SDK1: variants seen among roughly 807,000 people sequenced by gnomAD.
The protein encoded by SDK1 is sidekick cell adhesion molecule 1.
Under a neutral mutation model 245.5 loss-of-function variants are expected in SDK1, and 157 were observed. The ratio of observed to expected loss-of-function variants is 0.64; its 90% CI spans 0.56 to 0.73. The LOEUF (loss-of-function observed/expected upper bound fraction) is 0.73. Ranked by LOEUF, SDK1 falls within the 30% of genes least tolerant of loss-of-function variation. The pLI is 0.00. For synonymous variants in SDK1, 1,647 were observed against 1,278.5 expected (o/e 1.29, Z -6.15); for missense variants, 3,583 against 3,002.3 (o/e 1.19, Z -4.52).
chr7:4,209,963 A>G (rs1584452646), intron 37 of SDK1, 62 bp from the exon 38 acceptor site: 1 of 1,352,980 alleles, frequency 7.4e-7, no homozygotes, highest in East Asian at 2.6e-5. Flanking sequence ...AGGCACAGAC[A>G]TGTATGTATA....
chr7:3,881,461 C>T (rs1250727499), intron 5 of SDK1, among the ~76,000 whole-genome samples: 1 of 152,198 alleles, frequency 6.6e-6, no homozygotes, highest in Non-Finnish European at 1.5e-5. Flanking sequence ...GCATGGTATT[C>T]CATGGTGTAT....
At chr7:3,437,480 A>T (rs1168534030) in intron 1 of SDK1, among the ~76,000 whole-genome samples, 1 of 152,190 alleles carries the variant, frequency 6.6e-6, no homozygotes, top group East Asian at 1.9e-4. Context: ...AGTCAAAATT[A>T]CGTGTGATCG....
chr7:4,255,297 G>T (rs1164434140), intron 44 of SDK1, among the ~76,000 whole-genome samples: 1 of 152,296 alleles, frequency 6.6e-6, no homozygotes, highest in East Asian at 1.9e-4. Context: ...ATTTTCCTCA[G>T]TCAGAGCTGG....
intron 1 of SDK1, among the ~76,000 whole-genome samples, chr7:3,501,991 G>C (rs970790849): frequency 1.3e-5 from 2 of 152,054 alleles, no homozygotes; most frequent in African/African-American, 4.8e-5. Flanking sequence ...TTAACAGCTG[G>C]ATTTCTAGTG....
chr7:3,641,291 A>C (rs761048777), intron 3 of SDK1, among the ~76,000 whole-genome samples: 17 of 152,202 alleles, frequency 1.1e-4, no homozygotes, highest in Non-Finnish European at 2.4e-4. Context: ...TTCAAATGTT[A>C]CAAATTTTAA....
intron 1 of SDK1, among the ~76,000 whole-genome samples, chr7:3,535,826 C>A (rs991291350): frequency 2.0e-5 from 3 of 152,090 alleles, no homozygotes; most frequent in African/African-American, 7.2e-5. Flanking sequence ...TAAGTTCTTG[C>A]AGATATTCTC....
chr7:3,910,676 C>T (rs1779133021), intron 5 of SDK1, among the ~76,000 whole-genome samples: 1 of 152,148 alleles, frequency 6.6e-6, no homozygotes, highest in African/African-American at 2.4e-5. Context: ...ATGGGACGTC[C>T]TCCTTTCCCA....
intron 1 of SDK1, among the ~76,000 whole-genome samples, chr7:3,344,513 G>T (rs1265694359): frequency 2.6e-5 from 4 of 152,148 alleles, no homozygotes; most frequent in African/African-American, 9.7e-5. Context: ...TGATATGGAA[G>T]CTTAAAAGAA....
At chr7:3,954,226 C>A (rs1208188930) in intron 7 of SDK1, among the ~76,000 whole-genome samples, 1 of 149,538 alleles carries the variant, frequency 6.7e-6, no homozygotes, top group South Asian at 2.2e-4. Context: ...AGCAGCCCCT[C>A]TACGCCCTCC....
intron 16 of SDK1, among the ~76,000 whole-genome samples, chr7:4,014,064 A>G (rs1786196930): frequency 6.6e-6 from 1 of 152,146 alleles, no homozygotes; most frequent in Non-Finnish European, 1.5e-5. Context: ...CCCATCCACT[A>G]ATGAGAATAA....
chr7:3,735,794 A>C (rs949224688), intron 4 of SDK1, among the ~76,000 whole-genome samples: 1 of 152,176 alleles, frequency 6.6e-6, no homozygotes, highest in Non-Finnish European at 1.5e-5. Context: ...CTGACAGTGC[A>C]CAAGATCTCC....
At position 3,468,392 on chromosome 7, in the gene SDK1, C is replaced by A. The variant is rs1475101666; in HGVS notation, c.299-150688C>A. On this transcript the variant is annotated intron_variant, in intron 1 of 44. Transcript: ENST00000404826. ...GCTTTCTCTGACCTTCTCCTGCCCTCCTGTCTCAGTCGCATTCTCCCCCGA... is the reference window on the plus strand; with the variant it reads ...GCTTTCTCTGACCTTCTCCTGCCCTACTGTCTCAGTCGCATTCTCCCCCGA... Among the ~76,000 whole-genome samples the A allele has an allele frequency of 2.6e-5, 4 of 152,088 alleles. No individual in the cohort carries two copies. In the East Asian group the frequency reaches 7.7e-4, roughly 29 times the overall value.
chr7:4,261,319 C>T (rs1007712977), intron 44 of SDK1, among the ~76,000 whole-genome samples: 1 of 152,138 alleles, frequency 6.6e-6, no homozygotes, highest in African/African-American at 2.4e-5. Context: ...CACCCAGGGA[C>T]GCTTTTGTTT....
intron 1 of SDK1, among the ~76,000 whole-genome samples, chr7:3,615,850 A>G (rs748066820): frequency 1.4e-5 from 2 of 141,992 alleles, no homozygotes; most frequent in Non-Finnish European, 3.2e-5. Context: ...CAACACAATC[A>G]CACAACCTCT....
rs1462626030 is a variant in SDK1, at chr7:3,821,603, A to G, written c.847+20A>G. The G allele has an allele frequency of 1.6e-5, 26 of 1,609,570 alleles. No homozygotes were observed. The Admixed American group carries it at 4.2e-4, about 26-fold the overall frequency. On this transcript the variant is annotated intron_variant, in intron 5 of 44. Coordinates refer to ENST00000404826, the MANE Select transcript of SDK1 (RefSeq NM_152744.4). ...TAGCAAGTGAGTTTTGAAATCCCAA[A>G]TGGTAATTCTGCAAGCAATAAAATC...
chr7:4,012,304 C>G, intron 16 of SDK1, 69 bp downstream of exon 16: 1 of 1,413,692 alleles, frequency 7.1e-7, no homozygotes, highest in Non-Finnish European at 9.3e-7. Flanking sequence ...CAGAGGGTTG[C>G]AAACTCTAAT....
At chr7:3,476,769 G>T (rs569488091) in intron 1 of SDK1, among the ~76,000 whole-genome samples, 89 of 152,266 alleles carry the variant, frequency 5.8e-4, no homozygotes, top group African/African-American at 2.1e-3. Flanking sequence ...TCATCCCCAG[G>T]CCCAGCGATT....
chr7:3,639,231 G>C (rs1441278413), intron 3 of SDK1, 121 bp downstream of exon 3: 2 of 522,598 alleles, frequency 3.8e-6, no homozygotes, highest in Admixed American at 3.3e-5. Flanking sequence ...ATTTTGAGTA[G>C]AATAATTGCA....
At chr7:3,767,304 G>C (rs1780282047) in intron 4 of SDK1, among the ~76,000 whole-genome samples, 1 of 152,064 alleles carries the variant, frequency 6.6e-6, no homozygotes, top group Admixed American at 6.6e-5. Context: ...GGACTAAGGG[G>C]AGAAAGTTTG....
Sources: gnomAD v4.1 joint callset for allele counts (sites outside exome capture counted in the v4.1 genomes callset) on GRCh38, gnomAD v4.1.1 for gene constraint, MANE v1.5 for transcripts, NCBI Gene and HGNC (gene_info 2026-07-23, HGNC 2026-07-21) for gene names.